KIFC3: variants seen among roughly 807,000 people sequenced by gnomAD.
KIFC3 encodes the protein kinesin family member C3.
A neutral mutation model predicts 101.8 loss-of-function variants in KIFC3; 60 were observed. The observed-to-expected ratio is 0.59, with a 90% CI of 0.48 to 0.73. The LOEUF is 0.73. KIFC3 is among the 30% of genes least tolerant of loss of function. The probability of loss-of-function intolerance (pLI) is 0.00; values close to 1 mark genes in which losing one functional copy is unlikely to be tolerated. For synonymous variants in KIFC3, 476 were observed against 482.7 expected (o/e 0.99, Z 0.18); for missense variants, 966 against 1,137.1 (o/e 0.85, Z 2.16).
intron 3 of KIFC3, among the ~76,000 whole-genome samples, chr16:57,783,923 C>G (rs1385874237): frequency 6.6e-6 from 1 of 152,202 alleles, no homozygotes; most frequent in Non-Finnish European, 1.5e-5. Context: ...CTGCAACCCC[C>G]CAAGGCGCTT....
intron 12 of KIFC3, 68 bp from the exon 13 acceptor site, chr16:57,762,338 C>T: frequency 7.2e-7 from 1 of 1,395,296 alleles, no homozygotes; most frequent in East Asian, 2.7e-5. Context: ...GGTGTCTGTC[C>T]CCAAAGCCCC....
intron 1 of KIFC3, among the ~76,000 whole-genome samples, chr16:57,800,578 G>A (rs1026448231): frequency 6.6e-6 from 1 of 152,228 alleles, no homozygotes; most frequent in Non-Finnish European, 1.5e-5. Flanking sequence ...ACAGTGGACA[G>A]AGAAGACTTT....
intron 1 of KIFC3, among the ~76,000 whole-genome samples, chr16:57,854,829 A>G (rs987371350): frequency 2.0e-5 from 3 of 152,194 alleles, no homozygotes; most frequent in African/African-American, 7.2e-5. Context: ...TTCCCTGACC[A>G]CAAAGGAATT....
upstream of KIFC3, among the ~76,000 whole-genome samples, chr16:57,804,628 TG>T: frequency 6.6e-6 from 1 of 152,360 alleles, no homozygotes; most frequent in African/African-American, 2.4e-5. Context: ...CTTGATCTGT[TG>T]CCCAGGCTGG....
At chr16:57,850,948 TCC>T (rs1215386957) in intron 1 of KIFC3, among the ~76,000 whole-genome samples, 301 of 8,088 alleles carry the variant, frequency 0.037, 1 homozygote, top group Non-Finnish European at 0.064. Context: ...CTTCCCTCCC[TCC>T]TTCCTTCCTT....
chr16:57,779,433 CAGA>C (rs2052474191), intron 3 of KIFC3: 1 of 152,116 alleles, frequency 6.6e-6, no homozygotes, highest in African/African-American at 2.4e-5. Context: ...ATTTCAGTAG[CAGA>C]AGATGAAAAG....
intron 1 of KIFC3, among the ~76,000 whole-genome samples, chr16:57,830,119 C>T (rs999648366): frequency 6.6e-6 from 1 of 152,124 alleles, no homozygotes; most frequent in African/African-American, 2.4e-5. Flanking sequence ...GGACAGAGAG[C>T]ACTGGCTTTG....
intron 3 of KIFC3, chr16:57,785,727 G>A: frequency 9.6e-7 from 1 of 1,045,578 alleles, no homozygotes; most frequent in Non-Finnish European, 1.2e-6. Context: ...CAGAGGAGGG[G>A]GTCCATCACA....
chr16:57,833,124 T>G (rs2055617569), intron 1 of KIFC3, among the ~76,000 whole-genome samples: 1 of 152,000 alleles, frequency 6.6e-6, no homozygotes, highest in Non-Finnish European at 1.5e-5. Flanking sequence ...AAGAATCGCT[T>G]GAACCTGGGA....
intron 1 of KIFC3, chr16:57,813,873 G>A (rs2055153525): frequency 1.0e-6 from 1 of 985,354 alleles, no homozygotes; most frequent in Non-Finnish European, 1.2e-6. Context: ...TGCGGTCCCT[G>A]GTAGACAGGT....
chr16:57,812,451 T>C (rs888562560), intron 1 of KIFC3, among the ~76,000 whole-genome samples: 18 of 151,828 alleles, frequency 1.2e-4, no homozygotes, highest in Non-Finnish European at 2.2e-4. Context: ...CATCCCCCTC[T>C]AAGCAGCCTC....
chr16:57,771,234 G>C lies in KIFC3; in HGVS notation c.729C>G (p.Thr243=). ...LSRRLRDSHE[T]IASLRAQSPP... is the part of the protein sequence containing the mutation. ...GGGACTGGGCCCGCAGGCTGGCAAT[G>C]GTCTCGTGGCTGTCACGCAGGCGCC... The change falls in exon 6 of 20, where the codon ACC becomes ACG. Residue 243 remains threonine, a synonymous_variant. Coordinates refer to ENST00000445690, the MANE Select transcript of KIFC3 (RefSeq NM_001130100.2). 1.9e-6 allele frequency: 3 copies of C among 1,613,180 alleles called. No individual in the cohort carries two copies. Among genetic ancestry groups the C allele is most frequent in the Non-Finnish European group, 2.5e-6 (3 of 1,180,020 alleles).
At chr16:57,778,423 A>T (rs1399912832) in intron 3 of KIFC3, among the ~76,000 whole-genome samples, 2 of 152,264 alleles carry the variant, frequency 1.3e-5, no homozygotes, top group African/African-American at 4.8e-5. Context: ...AGGCAATAAA[A>T]GAAAAAATAG....
chr16:57,797,783 C>T, intron 2 of KIFC3: 1 of 1,333,412 alleles, frequency 7.5e-7, no homozygotes, highest in South Asian at 1.6e-5. Flanking sequence ...GAGCTCTGAC[C>T]AGCTTGGCCA....
chr16:57,814,075 T>C (rs183583938), intron 1 of KIFC3, among the ~76,000 whole-genome samples: 1 of 152,318 alleles, frequency 6.6e-6, no homozygotes, highest in Admixed American at 6.5e-5. Flanking sequence ...TACCTTGTCA[T>C]TGTGGGTCAT....
rs139955035 is a variant in KIFC3, at chr16:57,772,905, G to A, written c.316-617C>T. On this transcript the variant is annotated intron_variant, in intron 3 of 19. Coordinates refer to ENST00000445690, the MANE Select transcript of KIFC3 (RefSeq NM_001130100.2). ...AAGGCTCTTATAGGGGGAAGGGGGTGTGCACCCCATGAGGAAGCCACGGTT... is the reference window on the plus strand; with the variant it reads ...AAGGCTCTTATAGGGGGAAGGGGGTATGCACCCCATGAGGAAGCCACGGTT... Among the ~76,000 whole-genome samples, 77 of 152,276 alleles carry A rather than the reference G, an allele frequency of 5.1e-4. 2 individuals are homozygous for A. The East Asian group carries it at 0.013, about 26-fold the overall frequency.
At chr16:57,860,283 G>C (rs1318218152) in intron 1 of KIFC3, among the ~76,000 whole-genome samples, 1 of 151,786 alleles carries the variant, frequency 6.6e-6, no homozygotes, top group Non-Finnish European at 1.5e-5. Flanking sequence ...GTGAAACCCC[G>C]TCTCTACTAA....
Position 57,795,877 on chromosome 16 carries a change from C to CTTT in KIFC3, c.173-739_173-737dup, listed in dbSNP as rs1568047538. 3.9e-3 allele frequency among the ~76,000 whole-genome samples: 314 copies of CTTT among 81,062 alleles called. 8 individuals carry two copies. The highest frequency in any genetic ancestry group is 9.9e-3 in the African/African-American group (279 of 28,104). 53.2% of individuals were successfully genotyped at this position (81,062 alleles called of 152,430 possible). On this transcript the variant is annotated intron_variant, in intron 2 of 19. Transcript: ENST00000445690. ...CTTACACACATTCTGTTTTTTTGGG[C>CTTT]TTTTTTGTTTTTTTTTTTTTTTTTT...
intron 3 of KIFC3, chr16:57,776,543 T>C (rs2052116397): frequency 5.5e-6 from 2 of 362,210 alleles, no homozygotes; most frequent in East Asian, 1.7e-4. Context: ...GTTTCCTTAT[T>C]TGTATAATGA....
Sources: gnomAD v4.1 joint callset for allele counts (sites outside exome capture counted in the v4.1 genomes callset) on GRCh38, gnomAD v4.1.1 for gene constraint, MANE v1.5 for transcripts, NCBI Gene and HGNC (gene_info 2026-07-23, HGNC 2026-07-21) for gene names.